Variants in PDZRN3 observed in about 807,000 individuals in gnomAD.
The protein encoded by PDZRN3 is PDZ domain containing ring finger 3, also known as E3 ubiquitin-protein ligase PDZRN3.
A neutral mutation model predicts 85.7 loss-of-function variants in PDZRN3; 38 were observed. That is an observed-to-expected ratio of 0.44 (90% confidence interval 0.34 to 0.58). The LOEUF is 0.58. Among genes scored for constraint, PDZRN3 ranks in the 20% least tolerant of loss-of-function variants. PDZRN3 has a pLI of 0.01. For synonymous variants in PDZRN3, 759 were observed against 638.0 expected (o/e 1.19, Z -2.86); for missense variants, 1,629 against 1,506.4 (o/e 1.08, Z -1.35).
chr3:73,583,630 A>T (rs960025706), intron 3 of PDZRN3, among the ~76,000 whole-genome samples: 8 of 152,270 alleles, frequency 5.3e-5, no homozygotes, highest in African/African-American at 1.9e-4. Flanking sequence ...TAACAACAGG[A>T]AGGGAGAAAA....
Position 73,384,499 on chromosome 3 carries a change from G to C in PDZRN3, c.2067C>G (p.Asn689Lys). The C allele has an allele frequency of 6.2e-7, 1 of 1,613,610 alleles. No individual in the cohort carries two copies. Among genetic ancestry groups the C allele is most frequent in the Middle Eastern group, 1.6e-4 (1 of 6,062 alleles). The stretch of plus-strand genomic sequence containing the variant: ...CCAGCTCGATGCTGCGCAGCTCTTC[G>C]TTCAGCAGCTCCAGCTCCTTGTCCA... Reference protein sequence around the residue: ...ESVDKELELLNEELRSIELEC... With the variant: ...ESVDKELELLKEELRSIELEC... The change falls in exon 10 of 10, where the codon AAC (asparagine) becomes AAG (lysine). Residue 689 changes from asparagine to lysine, a missense_variant. Transcript: ENST00000263666.
chr3:73,581,804 TA>T lies in PDZRN3; in HGVS notation c.918+20549del, dbSNP rs3831963. Reference sequence around the variant, plus strand: ...GTTGCTTCTGTGTAAAGACAATGATTAAAAAAAAAAAAAGCTGAACATGGTG... The same window carrying T: ...GTTGCTTCTGTGTAAAGACAATGATTAAAAAAAAAAAAGCTGAACATGGTG... On this transcript the variant is annotated intron_variant, in intron 3 of 9. Coordinates refer to ENST00000263666, the MANE Select transcript of PDZRN3 (RefSeq NM_015009.3). 9.5e-3 allele frequency among the ~76,000 whole-genome samples: 1,373 copies of T among 145,290 alleles called. 4 individuals are homozygous for T. The highest frequency in any genetic ancestry group is 0.027 in the African/African-American group (1,052 of 39,378).
intron 3 of PDZRN3, among the ~76,000 whole-genome samples, chr3:73,471,931 G>C (rs1703348460): frequency 6.6e-6 from 1 of 152,228 alleles, no homozygotes; most frequent in South Asian, 2.1e-4. Flanking sequence ...CGGCATTAAT[G>C]TTCACACTCA....
intron 3 of PDZRN3, among the ~76,000 whole-genome samples, chr3:73,529,527 G>A (rs1704605304): frequency 6.6e-6 from 1 of 152,170 alleles, no homozygotes. Flanking sequence ...CTGCACTCTA[G>A]TATGGCTCAG....
intron 3 of PDZRN3, among the ~76,000 whole-genome samples, chr3:73,549,860 C>T (rs1575728855): frequency 6.6e-6 from 1 of 152,160 alleles, no homozygotes; most frequent in Non-Finnish European, 1.5e-5. Flanking sequence ...CTGTACAATC[C>T]ATAGGTAATT....
intron 3 of PDZRN3, among the ~76,000 whole-genome samples, chr3:73,480,353 C>T (rs1703537804): frequency 2.0e-5 from 3 of 152,186 alleles, no homozygotes; most frequent in Admixed American, 1.3e-4. Context: ...TCTGAAGCCT[C>T]TGTTGAAATT....
chr3:73,394,253 T>C (rs1416475493), intron 5 of PDZRN3, among the ~76,000 whole-genome samples: 1 of 152,240 alleles, frequency 6.6e-6, no homozygotes, highest in Non-Finnish European at 1.5e-5. Context: ...AAATGCAGTT[T>C]GATATTTTTG....
intron 3 of PDZRN3, among the ~76,000 whole-genome samples, chr3:73,447,079 T>C (rs1200466806): frequency 6.8e-6 from 1 of 147,252 alleles, no homozygotes; most frequent in Non-Finnish European, 1.5e-5. Context: ...TATATATATA[T>C]ATATATTAGA....
intron 3 of PDZRN3, among the ~76,000 whole-genome samples, chr3:73,560,805 T>C (rs1701799858): frequency 6.6e-6 from 1 of 152,198 alleles, no homozygotes; most frequent in African/African-American, 2.4e-5. Context: ...AACAGCATTA[T>C]TAGGAGTAAA....
chr3:73,433,535 TA>T, intron 3 of PDZRN3: 1 of 715,064 alleles, frequency 1.4e-6, no homozygotes, highest in Admixed American at 2.6e-5. Flanking sequence ...GAACACAAAA[TA>T]TGCACAAAAA....
intron 1 of PDZRN3, among the ~76,000 whole-genome samples, chr3:73,618,735 AT>A (rs1450314840): frequency 1.3e-5 from 2 of 152,252 alleles, no homozygotes; most frequent in Non-Finnish European, 2.9e-5. Flanking sequence ...TCTCAACAGA[AT>A]TGCCAATTCA....
At chr3:73,408,358 T>G (rs1397055863) in intron 3 of PDZRN3, 2 of 613,888 alleles carry the variant, frequency 3.3e-6, no homozygotes, top group Non-Finnish European at 5.8e-6. Context: ...AAGAATTTAC[T>G]AAGACTCCAG....
chr3:73,416,515 G>A (rs1398627500), intron 3 of PDZRN3, among the ~76,000 whole-genome samples: 1 of 151,788 alleles, frequency 6.6e-6, no homozygotes, highest in Non-Finnish European at 1.5e-5. Flanking sequence ...ACAAGTACAT[G>A]TGGATGTTGA....
intron 3 of PDZRN3, among the ~76,000 whole-genome samples, chr3:73,461,281 T>C (rs927695060): frequency 1.3e-5 from 2 of 152,218 alleles, no homozygotes; most frequent in East Asian, 3.8e-4. Flanking sequence ...TTATTCTACA[T>C]GTATATGTTT....
At chr3:73,621,424 T>C (rs1178420529) in intron 1 of PDZRN3, among the ~76,000 whole-genome samples, 1 of 152,210 alleles carries the variant, frequency 6.6e-6, no homozygotes, top group African/African-American at 2.4e-5. Context: ...AATAAAAATG[T>C]TGCACATGAG....
In PDZRN3 at chr3:73,401,105, C is replaced by T. The variant is rs1410607236; in HGVS notation, c.1167-96G>A. 3 of 886,512 alleles carry T rather than the reference C, an allele frequency of 3.4e-6. No individual in the cohort carries two copies. The African/African-American group carries it at 4.9e-5, about 15-fold the overall frequency. 54.9% of individuals were successfully genotyped at this position (886,512 alleles called of 1,614,324 possible). On this transcript the variant is annotated intron_variant, in intron 4 of 9. Coordinates refer to ENST00000263666, the MANE Select transcript of PDZRN3 (RefSeq NM_015009.3). ...CAGGCCAGTGGCACAGTAGCAATTCCCAGGGTGTGGGCCCTTTCATGACTC... is the reference window on the plus strand; with the variant it reads ...CAGGCCAGTGGCACAGTAGCAATTCTCAGGGTGTGGGCCCTTTCATGACTC...
chr3:73,387,246 A>G (rs1276641866), intron 8 of PDZRN3, among the ~76,000 whole-genome samples: 2 of 152,086 alleles, frequency 1.3e-5, no homozygotes, highest in Admixed American at 6.5e-5. Flanking sequence ...ACTAATACAC[A>G]TACCTAAAGA....
At chr3:73,384,956 C>A in intron 9 of PDZRN3, 26 bp from the exon 10 acceptor site, 1 of 1,567,564 alleles carries the variant, frequency 6.4e-7, no homozygotes, top group Non-Finnish European at 8.6e-7. Context: ...AACAAAGGGT[C>A]ACAGTGAGGG....
At chr3:73,587,915 T>G (rs554626131) in intron 3 of PDZRN3, among the ~76,000 whole-genome samples, 1 of 152,208 alleles carries the variant, frequency 6.6e-6, no homozygotes, top group Non-Finnish European at 1.5e-5. Flanking sequence ...CAGAGTCAAT[T>G]TGAGGCAAAA....
Sources: allele counts gnomAD v4.1 joint callset (sites outside exome capture counted in the v4.1 genomes callset), GRCh38; gene constraint gnomAD v4.1.1; transcripts MANE v1.5; gene names NCBI Gene and HGNC (gene_info 2026-07-23, HGNC 2026-07-21).